TBX18: variants seen among roughly 807,000 people sequenced by gnomAD.
The protein encoded by TBX18 is T-box transcription factor TBX18.
Under a neutral mutation model 55.0 loss-of-function variants are expected in TBX18, and 21 were observed. The ratio of observed to expected loss-of-function variants is 0.38; its 90% CI spans 0.27 to 0.55. The LOEUF (loss-of-function observed/expected upper bound fraction) is 0.55. Ranked by LOEUF, TBX18 falls within the 20% of genes least tolerant of loss-of-function variation. TBX18 has a pLI of 0.73. For missense variants in TBX18, 840 were observed against 799.6 expected (o/e 1.05, Z -0.61); for synonymous variants, 342 against 326.1 (o/e 1.05, Z -0.53).
Position 84,747,988 on chromosome 6 carries a change from C to T in TBX18, c.871G>A (p.Glu291Lys), listed in dbSNP as rs1162850117. 2.5e-6 allele frequency: 4 copies of T among 1,613,500 alleles called. No homozygotes were observed. The highest frequency in any genetic ancestry group is 2.2e-5 in the East Asian group (1 of 44,854). The change falls in exon 5 of 8, where the codon GAG becomes AAG. Residue 291 changes from glutamate to lysine, a missense_variant. Physicochemically the swap from Glu to Lys is moderately conservative, Grantham distance 56. Transcript: ENST00000369663. ...GGAAAGGAGAATGCCTTTACTCCCT[C>T]CCCGGATGGAACAGGCTTGATGGGA... ...LSPIKPVPSG[E>K]GVKAFSFPET...
At chr6:84,748,478 CT>C (rs1357001075) in intron 4 of TBX18, among the ~76,000 whole-genome samples, 1 of 152,174 alleles carries the variant, frequency 6.6e-6, no homozygotes, top group Non-Finnish European at 1.5e-5. Context: ...CACCCATCCC[CT>C]AAAAAATAAG....
At chr6:84,742,947 A>G (rs992341710) in intron 6 of TBX18, among the ~76,000 whole-genome samples, 3 of 152,160 alleles carry the variant, frequency 2.0e-5, no homozygotes, top group East Asian at 3.8e-4. Flanking sequence ...TTGCATTTTA[A>G]TTTTCAGAAA....
intron 6 of TBX18, among the ~76,000 whole-genome samples, chr6:84,738,870 G>A (rs906789299): frequency 2.0e-5 from 3 of 152,158 alleles, no homozygotes; most frequent in African/African-American, 7.2e-5. Context: ...GTTCCCTTGG[G>A]CTAAGGAGCT....
In TBX18 at chr6:84,733,179, G is replaced by T. The variant is rs1210509644; in HGVS notation, c.*3506C>A. 6.6e-6 allele frequency: 1 copy of T among 152,132 alleles called. No individual in the cohort carries two copies. Among genetic ancestry groups the T allele is most frequent in the Non-Finnish European group, 1.5e-5 (1 of 68,018 alleles). The allele number at this position is 152,132 out of a possible 1,614,324, so 9.4% of individuals were successfully genotyped here. On this transcript the variant is annotated 3_prime_UTR_variant, in exon 8 of 8. Transcript: ENST00000369663. Reference sequence around the variant, plus strand: ...GGGATACTAAGTTTATATATCTGTTGAATGTTTGTATACTTGAATATATTT... The same window carrying T: ...GGGATACTAAGTTTATATATCTGTTTAATGTTTGTATACTTGAATATATTT...
At chr6:84,753,478 A>T (rs185587089) in intron 4 of TBX18, among the ~76,000 whole-genome samples, 50 of 151,886 alleles carry the variant, frequency 3.3e-4, no homozygotes, top group African/African-American at 1.1e-3. Flanking sequence ...CTAGAAAATC[A>T]CCTCTCATTT....
chr6:84,758,498 G>A (rs886929254), intron 3 of TBX18, among the ~76,000 whole-genome samples: 1 of 151,664 alleles, frequency 6.6e-6, no homozygotes, highest in Non-Finnish European at 1.5e-5. Context: ...GTGGGCTTTT[G>A]TGAATATTAA....
chr6:84,737,370 T>C lies in TBX18; in HGVS notation c.1139A>G (p.Asn380Ser). Reference protein sequence around the residue: ...SSSTLLQGTGNGVPATHPHLL... With the variant: ...SSSTLLQGTGSGVPATHPHLL... ...GTGAGGGTGAGTGGCAGGAACGCCA[T>C]TCCCAGTACCTTGGAGCAAGGTGGA... The change falls in exon 8 of 8, where the codon AAT becomes AGT. Residue 380 changes from asparagine to serine, a missense_variant. Coordinates refer to ENST00000369663, the MANE Select transcript of TBX18 (RefSeq NM_001080508.3). 1 of 1,535,328 alleles carries C rather than the reference T, an allele frequency of 6.5e-7. No homozygotes were observed. The highest frequency in any genetic ancestry group is 8.8e-7 in the Non-Finnish European group (1 of 1,142,798).
At chr6:84,750,750 G>A (rs1292487817) in intron 4 of TBX18, among the ~76,000 whole-genome samples, 1 of 151,796 alleles carries the variant, frequency 6.6e-6, no homozygotes, top group Non-Finnish European at 1.5e-5. Flanking sequence ...CACAAAAAAG[G>A]GTCTCAGCCT....
intron 2 of TBX18, among the ~76,000 whole-genome samples, 173 bp downstream of exon 2, chr6:84,762,371 G>A (rs1156360512): frequency 1.3e-5 from 2 of 152,204 alleles, no homozygotes; most frequent in African/African-American, 4.8e-5. Context: ...CTAGTGGTGG[G>A]TAGCCAAAGC....
At chr6:84,745,357 C>G (rs1338717230) in intron 5 of TBX18, among the ~76,000 whole-genome samples, 1 of 152,146 alleles carries the variant, frequency 6.6e-6, no homozygotes, top group Non-Finnish European at 1.5e-5. Flanking sequence ...AGAGACACAT[C>G]ATGTTTTGGC....
intron 2 of TBX18, among the ~76,000 whole-genome samples, chr6:84,761,485 T>G (rs1020195626): frequency 1.3e-5 from 2 of 152,176 alleles, no homozygotes; most frequent in African/African-American, 4.8e-5. Context: ...AAGACTGAAT[T>G]TGGATCATTA....
chr6:84,756,557 T>C, intron 4 of TBX18, 141 bp downstream of exon 4: 1 of 775,584 alleles, frequency 1.3e-6, no homozygotes. Context: ...AAATATAAAC[T>C]TGATTCTGCA....
In TBX18 at chr6:84,764,381, G is replaced by C. The variant is rs1424773235; in HGVS notation, c.-200C>G. The C allele has an allele frequency of 1.5e-5, 11 of 723,314 alleles. No individual in the cohort carries two copies. The highest frequency in any genetic ancestry group is 2.3e-5 in the Non-Finnish European group (11 of 487,880). 44.8% of individuals were successfully genotyped at this position (723,314 alleles called of 1,614,324 possible). On this transcript the variant is annotated 5_prime_UTR_variant, in exon 1 of 8. Coordinates refer to ENST00000369663, the MANE Select transcript of TBX18 (RefSeq NM_001080508.3). Reference sequence around the variant, plus strand: ...GGGATCCAGGAACCGGCGACGCGCCGGCCAAGTCTCCTTTCCTGGGTCTCT... The same window carrying C: ...GGGATCCAGGAACCGGCGACGCGCCCGCCAAGTCTCCTTTCCTGGGTCTCT...
At chr6:84,757,773 T>C (rs215940) in intron 3 of TBX18, among the ~76,000 whole-genome samples, 60,150 of 151,644 alleles carry the variant, frequency 0.4, 13,839 homozygotes, top group South Asian at 0.71. Context: ...CATTTATTAA[T>C]AATTTAAAAT....
chr6:84,763,849 C>A, intron 1 of TBX18, 41 bp downstream of exon 1: 2 of 1,450,500 alleles, frequency 1.4e-6, no homozygotes, highest in South Asian at 1.5e-5. Context: ...AGTTCAGGTT[C>A]GCGCCGGAGA....
intron 6 of TBX18, among the ~76,000 whole-genome samples, chr6:84,743,389 G>T (rs1767096851): frequency 6.6e-6 from 1 of 152,154 alleles, no homozygotes; most frequent in Non-Finnish European, 1.5e-5. Flanking sequence ...AAATGAAACT[G>T]CCTCTAAAAT....
chr6:84,763,465 G>A (rs1246307396), intron 1 of TBX18: 1 of 467,270 alleles, frequency 2.1e-6, no homozygotes, highest in South Asian at 1.5e-5. Flanking sequence ...CCCTCTTCCT[G>A]GTTTGCACAA....
At chr6:84,762,795 G>A (rs1767691556) in intron 1 of TBX18, 47 bp from the exon 2 acceptor site, 1 of 1,548,970 alleles carries the variant, frequency 6.5e-7, no homozygotes, top group Non-Finnish European at 8.7e-7. Flanking sequence ...GGAAACAGAG[G>A]GGAAGCCAGC....
At position 84,736,511 on chromosome 6, in the gene TBX18, A is replaced by G; in HGVS notation, c.*174T>C. ...TGCTATGTATATACAGCATACATAT[A>G]TACCATAGATAATTACAATCTCACC... On this transcript the variant is annotated 3_prime_UTR_variant, in exon 8 of 8. Transcript: ENST00000369663. The G allele has an allele frequency of 1.5e-6, 1 of 659,846 alleles. No individual in the cohort carries two copies. The highest frequency in any genetic ancestry group is 2.9e-5 in the South Asian group (1 of 34,182). 40.9% of individuals were successfully genotyped at this position (659,846 alleles called of 1,614,324 possible).
Sources: gnomAD v4.1 joint callset for allele counts (sites outside exome capture counted in the v4.1 genomes callset) on GRCh38, gnomAD v4.1.1 for gene constraint, MANE v1.5 for transcripts, NCBI Gene and HGNC (gene_info 2026-07-23, HGNC 2026-07-21) for gene names.